Variants in ABCA13 observed in about 807,000 individuals in gnomAD.
The protein encoded by ABCA13 is ATP-binding cassette sub-family A member 13.
ABCA13 carries 476 observed loss-of-function variants against 478.7 expected under a neutral mutation model. That is an observed-to-expected ratio of 0.99 (90% CI 0.92 to 1.07). ABCA13 has a LOEUF of 1.07. Ranked by LOEUF, ABCA13 falls within the 50% of genes least tolerant of loss-of-function variation. ABCA13 has a pLI of 0.00. For synonymous variants in ABCA13, 2,252 were observed against 2,158.9 expected, an observed-to-expected ratio of 1.04 and a Z score of -1.20; for missense variants, 6,060 against 5,910.6, an observed-to-expected ratio of 1.03 and a Z score of -0.83.
intron 35 of ABCA13, among the ~76,000 whole-genome samples, chr7:48,382,762 ATTT>A (rs3065600): frequency 5.6e-4 from 81 of 144,408 alleles, no homozygotes; most frequent in African/African-American, 1.8e-3. Context: ...TCTCTCAATG[ATTT>A]TTTTTTTTTT....
chr7:48,410,776 G>A, intron 40 of ABCA13, 99 bp downstream of exon 40: 1 of 1,487,366 alleles, frequency 6.7e-7, no homozygotes, highest in Non-Finnish European at 9.1e-7. Context: ...TCTCAGTGGA[G>A]GCCTTCTGTG....
intron 27 of ABCA13, among the ~76,000 whole-genome samples, chr7:48,329,698 T>TATCTGTCCATCCAACCATCCATCC (rs1323093692): frequency 1.3e-5 from 2 of 151,402 alleles, no homozygotes; most frequent in Admixed American, 1.3e-4. Context: ...ATCATTCATT[T>TATCTGTCCATCCAACCATCCATCC]ATCTGTCCAT....
intron 38 of ABCA13, among the ~76,000 whole-genome samples, chr7:48,396,712 A>G (rs1560792): frequency 0.63 from 96,108 of 152,020 alleles, 30,553 homozygotes; most frequent in Middle Eastern, 0.75. Flanking sequence ...GTGATTTGTT[A>G]ACAGTTGCTC....
At position 48,617,178 on chromosome 7, in the gene ABCA13, G is replaced by T. The variant is rs78059225; in HGVS notation, c.14837+1801G>T. Among the ~76,000 whole-genome samples the T allele has an allele frequency of 8.6e-3, 1,315 of 152,268 alleles. 19 individuals are homozygous for T. The highest frequency in any genetic ancestry group is 0.03 in the African/African-American group (1,226 of 41,536). On this transcript the variant is annotated intron_variant, in intron 59 of 61. Coordinates refer to ENST00000435803, the MANE Select transcript of ABCA13 (RefSeq NM_152701.5). ...ATGACATAGATGGTAACAATAACTA[G>T]ATTTTTCATAAACTTCGGCATCCAT... is the stretch of plus-strand genomic sequence containing the variant.
intron 42 of ABCA13, among the ~76,000 whole-genome samples, chr7:48,435,216 T>G (rs1362070417): frequency 6.6e-6 from 1 of 151,826 alleles, no homozygotes; most frequent in African/African-American, 2.4e-5. Flanking sequence ...ACAAGTTGCT[T>G]GCCCTCATGA....
intron 59 of ABCA13, among the ~76,000 whole-genome samples, chr7:48,621,849 G>T (rs537959484): frequency 6.6e-6 from 1 of 152,266 alleles, no homozygotes; most frequent in South Asian, 2.1e-4. Context: ...TTTTCCTGAT[G>T]CTGGTTTGGG....
chr7:48,589,487 A>G (rs1789517083), intron 57 of ABCA13, among the ~76,000 whole-genome samples: 1 of 152,214 alleles, frequency 6.6e-6, no homozygotes, highest in African/African-American at 2.4e-5. Flanking sequence ...GATATACATA[A>G]ATATTCTGAT....
chr7:48,643,306 A>C lies in ABCA13; in HGVS notation c.14856A>C (p.Thr4952=). The C allele has an allele frequency of 6.2e-7, 1 of 1,611,014 alleles. No individual in the cohort carries two copies. The highest frequency in any genetic ancestry group is 8.5e-7 in the Non-Finnish European group (1 of 1,178,636). ...HIKNRFGDGY[T]VKVWLCKEAN... Reference sequence around the variant, plus strand: ...CTCTCAGGTTTGGTGATGGTTATACAGTCAAAGTTTGGCTCTGTAAGGAAG... The same window carrying C: ...CTCTCAGGTTTGGTGATGGTTATACCGTCAAAGTTTGGCTCTGTAAGGAAG... Residue 4952 remains threonine (T), a synonymous_variant, in exon 60 of 62, where the codon ACA becomes ACC. Transcript: ENST00000435803.
At chr7:48,355,260 A>G (rs774803106) in intron 31 of ABCA13, among the ~76,000 whole-genome samples, 3 of 151,972 alleles carry the variant, frequency 2.0e-5, no homozygotes, top group Non-Finnish European at 4.4e-5. Flanking sequence ...TCAGGAAGGT[A>G]GCATTTTAAC....
chr7:48,175,999 G>C (rs1369457374), intron 1 of ABCA13, among the ~76,000 whole-genome samples: 2 of 152,194 alleles, frequency 1.3e-5, no homozygotes, highest in Non-Finnish European at 2.9e-5. Context: ...ATATTGAACA[G>C]AGCAGCTGAG....
At chr7:48,595,953 C>T (rs558671423) in intron 58 of ABCA13, among the ~76,000 whole-genome samples, 3 of 152,168 alleles carry the variant, frequency 2.0e-5, no homozygotes, top group Non-Finnish European at 2.9e-5. Flanking sequence ...TACCCCAGCT[C>T]TTGTTACCAG....
intron 58 of ABCA13, among the ~76,000 whole-genome samples, chr7:48,609,987 C>A (rs993426887): frequency 2.2e-4 from 33 of 152,166 alleles, no homozygotes; most frequent in African/African-American, 7.2e-4. Flanking sequence ...TAACTGGCCT[C>A]TCCCATATCT....
At chr7:48,253,149 A>G (rs936454005) in intron 15 of ABCA13, among the ~76,000 whole-genome samples, 1 of 152,158 alleles carries the variant, frequency 6.6e-6, no homozygotes, top group African/African-American at 2.4e-5. Context: ...TCCTATGTCC[A>G]TAATTGATTA....
rs1817922178 is a variant in ABCA13, at chr7:48,403,815, C to T, written c.12006C>T (p.Pro4002=). ...CGAGGACCGTGGTTCTGGATGAGCC[C>T]ACCAGTGGGGTGGACCCTTGCTCCC... ...GMSRTVVLDE[P]TSGVDPCSRH... is the part of the protein sequence containing the mutation. The change falls in exon 39 of 62, where the codon CCC becomes CCT. Residue 4002 remains proline (P), a synonymous_variant. Transcript: ENST00000435803. The T allele has an allele frequency of 3.1e-6, 5 of 1,613,872 alleles. No homozygotes were observed. Among genetic ancestry groups the T allele is most frequent in the Non-Finnish European group, 4.2e-6 (5 of 1,179,840 alleles).
intron 58 of ABCA13, among the ~76,000 whole-genome samples, chr7:48,596,166 G>A (rs1790260851): frequency 6.6e-6 from 1 of 152,208 alleles, no homozygotes; most frequent in Admixed American, 6.5e-5. Flanking sequence ...CCAATGTATT[G>A]TGAAGAACTC....
intron 43 of ABCA13, among the ~76,000 whole-genome samples, chr7:48,455,704 A>G (rs1294947387): frequency 6.6e-6 from 1 of 152,246 alleles, no homozygotes; most frequent in Admixed American, 6.5e-5. Flanking sequence ...TGTTTCTGGG[A>G]CAACAGCCCC....
At position 48,233,052 on chromosome 7, in the gene ABCA13, T is replaced by C. The variant is rs183391255; in HGVS notation, c.764-966T>C. On this transcript the variant is annotated intron_variant, in intron 7 of 61. Coordinates refer to ENST00000435803, the MANE Select transcript of ABCA13 (RefSeq NM_152701.5). Reference sequence around the variant, plus strand: ...ACACCAATCTTTTTTCCTCCCATGATGCCATGTAAAGGCAATCAGACTGGA... The same window carrying C: ...ACACCAATCTTTTTTCCTCCCATGACGCCATGTAAAGGCAATCAGACTGGA... 9.8e-5 allele frequency among the ~76,000 whole-genome samples: 15 copies of C among 152,372 alleles called. No individual in the cohort carries two copies. The East Asian group carries it at 2.5e-3, about 25-fold the overall frequency.
In ABCA13 at chr7:48,203,977, G is replaced by A. The variant is rs569749851; in HGVS notation, c.287+5617G>A. On this transcript the variant is annotated intron_variant, in intron 3 of 61. Transcript: ENST00000435803. ...TTTTCTCCATTCTCAAACATGCCCA[G>A]ACCCCCTGAGAATCATCTGACCCTC... is the stretch of plus-strand genomic sequence containing the variant. Among the ~76,000 whole-genome samples, 3 of 152,126 alleles carry A rather than the reference G, an allele frequency of 2.0e-5. No homozygotes were observed. In the South Asian group the frequency reaches 6.2e-4, roughly 32 times the overall value.
Position 48,412,476 on chromosome 7 carries a change from A to C in ABCA13, c.12352A>C (p.Lys4118Gln). The C allele has an allele frequency of 1.2e-6, 2 of 1,613,604 alleles. No homozygotes were observed. The highest frequency in any genetic ancestry group is 4.5e-5 in the East Asian group (2 of 44,790). The change falls in exon 41 of 62, where the codon AAG becomes CAG. Residue 4118 changes from lysine to glutamine, a missense_variant. By Grantham distance (53) the Lys-to-Gln change is moderately conservative. Coordinates refer to ENST00000435803, the MANE Select transcript of ABCA13 (RefSeq NM_152701.5). ...SGSELTYTIP[K>Q]DTDKACLKGL... ...AAGTGAGCTGACCTACACCATTCCA[A>C]AGGACACAGACAAGGCCTGCTTGAA...
Sources: gnomAD v4.1 joint callset for allele counts (sites outside exome capture counted in the v4.1 genomes callset) on GRCh38, gnomAD v4.1.1 for gene constraint, MANE v1.5 for transcripts, NCBI Gene and HGNC (gene_info 2026-07-23, HGNC 2026-07-21) for gene names.